Variants in FHOD3 observed in about 807,000 individuals in gnomAD.
FHOD3 encodes FH1/FH2 domain-containing protein 3.
FHOD3 carries 90 observed loss-of-function variants against 173.0 expected under a neutral mutation model. The ratio of observed to expected loss-of-function variants is 0.52; its 90% CI spans 0.44 to 0.62. FHOD3 has a LOEUF of 0.62. FHOD3 is among the 20% of genes least tolerant of loss of function. The pLI, the probability that FHOD3 is intolerant of heterozygous loss-of-function variation, is 0.00. For missense variants in FHOD3, 1,945 were observed against 2,034.7 expected, an observed-to-expected ratio of 0.96 and a Z score of 0.85; for synonymous variants, 828 against 823.0, an observed-to-expected ratio of 1.01 and a Z score of -0.10.
intron 28 of FHOD3, among the ~76,000 whole-genome samples, chr18:36,772,880 T>C (rs574389509): frequency 2.0e-5 from 3 of 152,368 alleles, no homozygotes; most frequent in African/African-American, 7.2e-5. Context: ...TAGCACCTAC[T>C]AATTTCTAGA....
At chr18:36,598,004 A>G (rs368593949) in intron 7 of FHOD3, among the ~76,000 whole-genome samples, 13 of 152,330 alleles carry the variant, frequency 8.5e-5, no homozygotes, top group East Asian at 5.8e-4. Context: ...TAAATATGCC[A>G]TGGTATTCTG....
At chr18:36,682,885 T>A (rs2038348853) in intron 15 of FHOD3, among the ~76,000 whole-genome samples, 1 of 152,348 alleles carries the variant, frequency 6.6e-6, no homozygotes, top group South Asian at 2.1e-4. Context: ...AGCCAATAAC[T>A]TGTGCTTTTC....
rs369610586 is a variant in FHOD3, at chr18:36,542,849, C to G, written c.511+30306C>G. 2.6e-5 allele frequency among the ~76,000 whole-genome samples: 4 copies of G among 151,990 alleles called. No homozygotes were observed. In the East Asian group the frequency reaches 7.7e-4, roughly 29 times the overall value. ...TATTTGGAAGCACAAAAAAAAATGA[C>G]GAAGGGAAAGTGGGGTGCATTAGCT... On this transcript the variant is annotated intron_variant, in intron 5 of 28. Coordinates refer to ENST00000590592, the MANE Select transcript of FHOD3 (RefSeq NM_001281740.3).
intron 5 of FHOD3, among the ~76,000 whole-genome samples, chr18:36,535,013 T>G (rs2146959453): frequency 6.6e-6 from 1 of 152,334 alleles, no homozygotes; most frequent in East Asian, 1.9e-4. Context: ...CTGTTTCTTG[T>G]TTTACTAACT....
intron 8 of FHOD3, among the ~76,000 whole-genome samples, chr18:36,603,823 A>T (rs945064283): frequency 2.0e-5 from 3 of 152,114 alleles, no homozygotes; most frequent in African/African-American, 7.2e-5. Flanking sequence ...TTTTAAAATC[A>T]TTTTTCCTTG....
At chr18:36,621,293 A>G (rs1202308075) in intron 9 of FHOD3, among the ~76,000 whole-genome samples, 1 of 152,182 alleles carries the variant, frequency 6.6e-6, no homozygotes, top group Non-Finnish European at 1.5e-5. Flanking sequence ...ATCTCTGAAG[A>G]TTCTTCCTTG....
chr18:36,622,706 T>A (rs2033808734), intron 9 of FHOD3, among the ~76,000 whole-genome samples: 1 of 152,218 alleles, frequency 6.6e-6, no homozygotes, highest in Admixed American at 6.5e-5. Flanking sequence ...GTCTGACTCT[T>A]ACCACATGTC....
chr18:36,667,092 C>T (rs2037230556), intron 14 of FHOD3, among the ~76,000 whole-genome samples: 1 of 152,094 alleles, frequency 6.6e-6, no homozygotes, highest in Admixed American at 6.5e-5. Flanking sequence ...TTGTGTGTTT[C>T]AATTTCTTTT....
chr18:36,776,334 G>A (rs2043649668), intron 28 of FHOD3, among the ~76,000 whole-genome samples: 1 of 152,136 alleles, frequency 6.6e-6, no homozygotes. Context: ...GGCTCAGGGT[G>A]TACATGTACA....
chr18:36,639,520 G>A (rs1318262786), intron 10 of FHOD3, among the ~76,000 whole-genome samples: 7 of 152,264 alleles, frequency 4.6e-5, no homozygotes, highest in East Asian at 1.9e-4. Context: ...AAAATTAGCC[G>A]GGCGTGGTGG....
chr18:36,759,136 G>T lies in FHOD3; in HGVS notation c.4444G>T (p.Val1482Phe), dbSNP rs1216098840. 1 of 1,535,944 alleles carries T rather than the reference G, an allele frequency of 6.5e-7. No homozygotes were observed. Among genetic ancestry groups the T allele is most frequent in the South Asian group, 1.2e-5 (1 of 84,060 alleles). ...CGGGTAGACTGATGAGGAGGAGGAA[G>T]TTGAGGTATGACCATTTATGAACAT... ...MITDTDEEEE[V>F]ESGKFSGSSP... The change falls in exon 26 of 29, where the codon GTT becomes TTT. Residue 1482 changes from valine to phenylalanine, a missense_variant. This residue lies in a region of FHOD3 where 354 missense variants were observed against 359.9 expected (regional missense o/e 0.98). Coordinates refer to ENST00000590592, the MANE Select transcript of FHOD3 (RefSeq NM_001281740.3).
At chr18:36,508,361 G>T (rs1008890807) in intron 4 of FHOD3, among the ~76,000 whole-genome samples, 1 of 151,576 alleles carries the variant, frequency 6.6e-6, no homozygotes. Flanking sequence ...ACACCAAAAG[G>T]CACCAGAGCT....
rs563959987 is a variant in FHOD3 at position 36,373,226 on chromosome 18, T to C, written c.337+482T>C. Among the ~76,000 whole-genome samples the C allele has an allele frequency of 1.9e-3, 285 of 152,294 alleles. 1 individual carries two copies. Among genetic ancestry groups the C allele is most frequent in the African/African-American group, 6.5e-3 (272 of 41,566 alleles). On this transcript the variant is annotated intron_variant, in intron 3 of 28. Transcript: ENST00000590592. Reference sequence around the variant, plus strand: ...AAGCAAACATATTTGTGGTTCAGAATGGCTTGCTGCGGGAAGCCCAGTTTC... The same window carrying C: ...AAGCAAACATATTTGTGGTTCAGAACGGCTTGCTGCGGGAAGCCCAGTTTC...
At chr18:36,470,106 G>A (rs1200140371) in intron 3 of FHOD3, among the ~76,000 whole-genome samples, 1 of 152,200 alleles carries the variant, frequency 6.6e-6, no homozygotes, top group Non-Finnish European at 1.5e-5. Flanking sequence ...GAGGCAGGCA[G>A]GGGCCATGCC....
In FHOD3 at chr18:36,530,245, C is replaced by T. The variant is rs114792227; in HGVS notation, c.511+17702C>T. On this transcript the variant is annotated intron_variant, in intron 5 of 28. Coordinates refer to ENST00000590592, the MANE Select transcript of FHOD3 (RefSeq NM_001281740.3). ...CTTAAAATAAGAAGCATGACCAGTA[C>T]GTGATTTGGCCTTTCCTGACCACTG... Among the ~76,000 whole-genome samples, 1,467 of 152,226 alleles carry T rather than the reference C, an allele frequency of 9.6e-3. 18 individuals carry two copies. The highest frequency in any genetic ancestry group is 0.033 in the African/African-American group (1,368 of 41,532).
intron 1 of FHOD3, among the ~76,000 whole-genome samples, chr18:36,345,788 A>T (rs1323552058): frequency 6.6e-6 from 1 of 152,254 alleles, no homozygotes; most frequent in South Asian, 2.1e-4. Context: ...TAGAAAACAA[A>T]CTTACAGAGG....
intron 16 of FHOD3, among the ~76,000 whole-genome samples, chr18:36,689,648 A>T (rs1016567430): frequency 6.6e-6 from 1 of 152,168 alleles, no homozygotes; most frequent in African/African-American, 2.4e-5. Context: ...AAGGAGAAAA[A>T]AGAAGTGTGT....
chr18:36,311,092 AAG>A (rs1435805340), intron 1 of FHOD3, among the ~76,000 whole-genome samples: 1 of 152,198 alleles, frequency 6.6e-6, no homozygotes, highest in Non-Finnish European at 1.5e-5. Flanking sequence ...AGATGACAGA[AAG>A]AGAATTGGGG....
intron 27 of FHOD3, among the ~76,000 whole-genome samples, chr18:36,768,862 T>A (rs1422709444): frequency 6.6e-6 from 1 of 152,164 alleles, no homozygotes; most frequent in African/African-American, 2.4e-5. Flanking sequence ...CATTACTAGA[T>A]GTGCATCACC....
Sources: gnomAD v4.1 joint callset for allele counts (sites outside exome capture counted in the v4.1 genomes callset) on GRCh38, gnomAD v4.1.1 for gene constraint, gnomAD v4.1.1 regional missense constraint, MANE v1.5 for transcripts, NCBI Gene and HGNC (gene_info 2026-07-23, HGNC 2026-07-21) for gene names.